CTNNA2: variants seen among roughly 807,000 people sequenced by gnomAD.
CTNNA2 encodes the protein catenin alpha 2.
A neutral mutation model predicts 101.0 loss-of-function variants in CTNNA2; 42 were observed. The ratio of observed to expected loss-of-function variants is 0.42; its 90% CI spans 0.32 to 0.54. The LOEUF (loss-of-function observed/expected upper bound fraction) is 0.54. Ranked by LOEUF, CTNNA2 falls within the 20% of genes least tolerant of loss-of-function variation. The probability of loss-of-function intolerance (pLI) is 0.14; values close to 1 mark genes in which losing one functional copy is unlikely to be tolerated. For synonymous variants in CTNNA2, 450 were observed against 456.4 expected, an observed-to-expected ratio of 0.99 and a Z score of 0.18; for missense variants, 871 against 1,223.1, an observed-to-expected ratio of 0.71 and a Z score of 4.29.
At chr2:79,234,213 T>C (rs1674529640) in intron 2 of CTNNA2, among the ~76,000 whole-genome samples, 1 of 151,994 alleles carries the variant, frequency 6.6e-6, no homozygotes, top group Non-Finnish European at 1.5e-5. Flanking sequence ...TTTCAGGACC[T>C]CTTGTAAGAG....
intron 2 of CTNNA2, among the ~76,000 whole-genome samples, chr2:79,743,617 T>G (rs1422589689): frequency 6.6e-6 from 1 of 151,592 alleles, no homozygotes; most frequent in Non-Finnish European, 1.5e-5. Context: ...AACTGCAACC[T>G]CTGCCTCCCG....
At chr2:80,209,688 C>T (rs1189893975) in intron 7 of CTNNA2, among the ~76,000 whole-genome samples, 2 of 151,998 alleles carry the variant, frequency 1.3e-5, no homozygotes, top group African/African-American at 4.8e-5. Flanking sequence ...AGTGTACCAT[C>T]ATAATATTTC....
intron 4 of CTNNA2, among the ~76,000 whole-genome samples, chr2:79,444,322 A>G (rs1678809209): frequency 6.6e-6 from 1 of 152,162 alleles, no homozygotes; most frequent in East Asian, 1.9e-4. Context: ...AGGAAAAAGA[A>G]TACAAATATT....
At chr2:79,896,819 C>A (rs1684745393) in intron 6 of CTNNA2, among the ~76,000 whole-genome samples, 1 of 152,174 alleles carries the variant, frequency 6.6e-6, no homozygotes, top group South Asian at 2.1e-4. Context: ...TCCACATACG[C>A]TGCCAAGAAG....
chr2:80,475,984 G>A (rs1472168757), intron 9 of CTNNA2, among the ~76,000 whole-genome samples: 3 of 152,074 alleles, frequency 2.0e-5, no homozygotes, highest in Non-Finnish European at 2.9e-5. Flanking sequence ...GGGCACAGAT[G>A]GATTTGCCCT....
chr2:79,263,288 G>A (rs1481745314), intron 2 of CTNNA2, among the ~76,000 whole-genome samples: 3 of 152,120 alleles, frequency 2.0e-5, no homozygotes, highest in African/African-American at 4.8e-5. Flanking sequence ...CTCATGAATG[G>A]CTTGGTGCTG....
At chr2:79,439,262 G>A (rs908897709) in intron 4 of CTNNA2, among the ~76,000 whole-genome samples, 14 of 152,146 alleles carry the variant, frequency 9.2e-5, no homozygotes, top group African/African-American at 3.1e-4. Flanking sequence ...ACTGATACAC[G>A]TTGCAACATG....
Position 79,538,949 on chromosome 2 carries a change from C to T in CTNNA2, c.-6+25742C>T, listed in dbSNP as rs768896884. ...AGGTGAGGCCTTATGAAGACCTGAACGAGGGCAGCATACTTGAGAATGGAA... is the reference window on the plus strand; with the variant it reads ...AGGTGAGGCCTTATGAAGACCTGAATGAGGGCAGCATACTTGAGAATGGAA... On this transcript the variant is annotated intron_variant, in intron 1 of 18. Coordinates refer to ENST00000402739, the MANE Select transcript of CTNNA2 (RefSeq NM_001282597.3). Among the ~76,000 whole-genome samples, 15 of 152,140 alleles carry T rather than the reference C, an allele frequency of 9.9e-5. No homozygotes were observed. In the East Asian group the frequency reaches 2.1e-3, roughly 22 times the overall value.
rs112045877 is a variant in CTNNA2 at position 80,639,513 on chromosome 2, A to ATGTGTGTGTGTGTGTGTGTG, written c.2575-8064_2575-8045dup. Among the ~76,000 whole-genome samples the ATGTGTGTGTGTGTGTGTGTG allele has an allele frequency of 8.3e-3, 1,218 of 147,500 alleles. 5 individuals carry two copies. The highest frequency in any genetic ancestry group is 0.013 in the Non-Finnish European group (860 of 66,574). On this transcript the variant is annotated intron_variant, in intron 18 of 18. Coordinates refer to ENST00000402739, the MANE Select transcript of CTNNA2 (RefSeq NM_001282597.3). ...GCATGAACCACCATGCCCAGCCTTG[A>ATGTGTGTGTGTGTGTGTGTG]TGTGTGTGTGTGTGTGTGTGTGTGT...
intron 3 of CTNNA2, among the ~76,000 whole-genome samples, chr2:79,325,789 C>G (rs761531590): frequency 2.6e-5 from 4 of 152,168 alleles, no homozygotes; most frequent in African/African-American, 7.2e-5. Flanking sequence ...TACTGCTGAC[C>G]ATTGCCTCTT....
At chr2:79,309,373 G>A (rs1676316488) in intron 2 of CTNNA2, among the ~76,000 whole-genome samples, 1 of 151,996 alleles carries the variant, frequency 6.6e-6, no homozygotes, top group Admixed American at 6.5e-5. Flanking sequence ...ATCTCAATTG[G>A]CTTTATTACA....
intron 4 of CTNNA2, among the ~76,000 whole-genome samples, chr2:79,863,356 G>A (rs1461723374): frequency 6.6e-6 from 1 of 152,172 alleles, no homozygotes; most frequent in Admixed American, 6.5e-5. Flanking sequence ...TAAGAGAAAG[G>A]ATGATGTGGT....
intron 7 of CTNNA2, among the ~76,000 whole-genome samples, chr2:80,087,713 C>T (rs1013533846): frequency 5.9e-5 from 9 of 152,128 alleles, no homozygotes; most frequent in Middle Eastern, 3.4e-3. Flanking sequence ...TTATTCAGTA[C>T]GTCTGGGCTG....
chr2:79,576,390 C>T (rs1203752357), intron 1 of CTNNA2, among the ~76,000 whole-genome samples: 1 of 152,178 alleles, frequency 6.6e-6, no homozygotes, highest in East Asian at 1.9e-4. Context: ...GCTTTCAAAA[C>T]TCAATGAACT....
chr2:79,639,932 TTGTGTGTGTG>T (rs60058512), intron 1 of CTNNA2, among the ~76,000 whole-genome samples: 2 of 145,120 alleles, frequency 1.4e-5, no homozygotes, highest in African/African-American at 2.5e-5. Flanking sequence ...TTAACTATAA[TTGTGTGTGTG>T]TGTGTGTGTG....
At chr2:79,220,840 A>C (rs897443762) in intron 2 of CTNNA2, among the ~76,000 whole-genome samples, 2 of 152,226 alleles carry the variant, frequency 1.3e-5, no homozygotes, top group African/African-American at 2.4e-5. Flanking sequence ...AAAGATAAAC[A>C]GGTATGTATT....
At chr2:80,505,089 A>G (rs529985315) in intron 9 of CTNNA2, among the ~76,000 whole-genome samples, 16 of 152,320 alleles carry the variant, frequency 1.1e-4, no homozygotes, top group African/African-American at 3.8e-4. Context: ...CTTAGCCCCA[A>G]GCTAAAAAGG....
chr2:79,441,175 A>C (rs935793392), intron 4 of CTNNA2, among the ~76,000 whole-genome samples: 23 of 152,316 alleles, frequency 1.5e-4, no homozygotes, highest in African/African-American at 4.8e-4. Context: ...TACAAGTATT[A>C]GATTGTCCTA....
At chr2:80,075,779 A>ATTT in intron 7 of CTNNA2, among the ~76,000 whole-genome samples, 1 of 140,892 alleles carries the variant, frequency 7.1e-6, no homozygotes, top group East Asian at 2.1e-4. Flanking sequence ...AATATTATAA[A>ATTT]ATAATATTTA....
Sources: allele counts gnomAD v4.1 joint callset (sites outside exome capture counted in the v4.1 genomes callset), GRCh38; gene constraint gnomAD v4.1.1; transcripts MANE v1.5; gene names NCBI Gene and HGNC (gene_info 2026-07-23, HGNC 2026-07-21).